RWDD1: variants seen among roughly 807,000 people sequenced by gnomAD.
RWDD1 encodes RWD domain containing 1.
In RWDD1, 17 loss-of-function variants were observed where a neutral mutation model predicts 31.6. That is an observed-to-expected ratio of 0.54 (90% CI 0.37 to 0.81). RWDD1 has a LOEUF of 0.81. Among genes scored for constraint, RWDD1 ranks in the 30% least tolerant of loss-of-function variants. The probability of loss-of-function intolerance (pLI) is 0.00; values close to 1 mark genes in which losing one functional copy is unlikely to be tolerated. For synonymous variants in RWDD1, 78 were observed against 94.2 expected, an observed-to-expected ratio of 0.83 and a Z score of 0.99; for missense variants, 204 against 274.5, an observed-to-expected ratio of 0.74 and a Z score of 1.82.
intron 1 of RWDD1, chr6:116,572,563 T>C (rs1367839895): frequency 6.6e-6 from 1 of 152,252 alleles, no homozygotes; most frequent in Non-Finnish European, 1.5e-5. Flanking sequence ...AAGCCATGCT[T>C]CGGATGATTA....
At position 116,574,989 on chromosome 6, in the gene RWDD1, C is replaced by CA. The variant is rs547394112; in HGVS notation, c.73+3337dup. On this transcript the variant is annotated intron_variant, in intron 1 of 6. Transcript: ENST00000466444. The stretch of plus-strand genomic sequence containing the variant: ...CTTGCTTTGTTGCCCAGGTTAGTCT[C>CA]AAACTCTTGGCCTCAAGCGAGTCTC... 2.2e-4 allele frequency among the ~76,000 whole-genome samples: 34 copies of CA among 151,774 alleles called. No homozygotes were observed. The East Asian group carries it at 5.7e-3, about 25-fold the overall frequency.
chr6:116,594,003 T>C lies in RWDD1; in HGVS notation c.*902T>C, dbSNP rs1327443800. 6.8e-6 allele frequency: 1 copy of C among 146,078 alleles called. No homozygotes were observed. Among genetic ancestry groups the C allele is most frequent in the Non-Finnish European group, 1.5e-5 (1 of 67,502 alleles). The allele number at this position is 146,078 out of a possible 1,614,324, so 9.0% of individuals were successfully genotyped here. On this transcript the variant is annotated 3_prime_UTR_variant, in exon 7 of 7. Transcript: ENST00000466444. Reference sequence around the variant, plus strand: ...TCTGGATGACCAGAAAGTTGAAGATTGGGTATCTGCATCTGGTGAGAGCCT... The same window carrying C: ...TCTGGATGACCAGAAAGTTGAAGATCGGGTATCTGCATCTGGTGAGAGCCT...
intron 3 of RWDD1, 122 bp from the exon 4 acceptor site, chr6:116,588,720 A>C (rs1775083261): frequency 2.2e-6 from 1 of 449,042 alleles, no homozygotes; most frequent in African/African-American, 2.1e-5. Context: ...ATATATGCTT[A>C]CTTAAATGAT....
At chr6:116,575,064 C>T (rs1774814330) in intron 1 of RWDD1, among the ~76,000 whole-genome samples, 1 of 152,076 alleles carries the variant, frequency 6.6e-6, no homozygotes, top group Admixed American at 6.5e-5. Flanking sequence ...GCCATTGCAC[C>T]TGGCCCAGCT....
chr6:116,593,280 C>A lies in RWDD1; in HGVS notation c.*179C>A. 1 of 578,000 alleles carries A rather than the reference C, an allele frequency of 1.7e-6. No homozygotes were observed. Among genetic ancestry groups the A allele is most frequent in the Middle Eastern group, 4.9e-4 (1 of 2,040 alleles). The allele number at this position is 578,000 out of a possible 1,614,324, so 35.8% of individuals were successfully genotyped here. Reference sequence around the variant, plus strand: ...CTTAAAATTTCAAATATAAAATGTTCAAGGCTTCTTACTGTTGAGCACAAG... The same window carrying A: ...CTTAAAATTTCAAATATAAAATGTTAAAGGCTTCTTACTGTTGAGCACAAG... On this transcript the variant is annotated 3_prime_UTR_variant, in exon 7 of 7. Transcript: ENST00000466444.
chr6:116,579,651 A>G (rs1292683885), intron 1 of RWDD1, among the ~76,000 whole-genome samples: 1 of 152,234 alleles, frequency 6.6e-6, no homozygotes, highest in East Asian at 1.9e-4. Context: ...TGTTATTTAT[A>G]TAAATGTTGA....
intron 1 of RWDD1, among the ~76,000 whole-genome samples, chr6:116,579,282 C>A (rs546392437): frequency 6.6e-6 from 1 of 152,216 alleles, no homozygotes; most frequent in Non-Finnish European, 1.5e-5. Context: ...ATTGCTCTTT[C>A]ATTCTGAAAA....
chr6:116,586,009 A>G lies in RWDD1; in HGVS notation c.270+1152A>G, dbSNP rs190816507. ...AGAGAACCTGGGATGGTTATGCTAT[A>G]TTCAGTCAGTCGTACCTTAATGTAA... On this transcript the variant is annotated intron_variant, in intron 3 of 6. Transcript: ENST00000466444. Among the ~76,000 whole-genome samples, 28 of 152,278 alleles carry G rather than the reference A, an allele frequency of 1.8e-4. No individual in the cohort carries two copies. In the East Asian group the frequency reaches 4.1e-3, roughly 22 times the overall value.
chr6:116,588,898 AAAATT>A lies in RWDD1; in HGVS notation c.332_336del (p.Leu111Ter). On this transcript the variant is annotated frameshift_variant, in exon 4 of 7. Transcript: ENST00000466444. LOFTEE classifies it high-confidence loss of function. ...TTACTCTAGTGACAGCTGTGCAAGAAAAATTAAATGAAATAGTAGATCAGATAAAA... is the reference window on the plus strand; with the variant it reads ...TTACTCTAGTGACAGCTGTGCAAGAAAAATGAAATAGTAGATCAGATAAAA... 6.6e-7 allele frequency: 1 copy of A among 1,522,650 alleles called. No individual in the cohort carries two copies. The highest frequency in any genetic ancestry group is 8.8e-7 in the Non-Finnish European group (1 of 1,141,474). The allele number at this position is 1,522,650 out of a possible 1,614,324, so 94.3% of individuals were successfully genotyped here.
intron 1 of RWDD1, chr6:116,574,100 C>A: frequency 2.2e-6 from 1 of 446,326 alleles, no homozygotes; most frequent in Non-Finnish European, 3.0e-6. Flanking sequence ...ACTAGTCTTC[C>A]AAAATATAAA....
chr6:116,587,692 T>TTATG (rs1342308678), intron 3 of RWDD1, among the ~76,000 whole-genome samples: 4 of 148,084 alleles, frequency 2.7e-5, no homozygotes, highest in East Asian at 3.9e-4. Flanking sequence ...GTGTGTGTGT[T>TTATG]TATGTATGTA....
intron 3 of RWDD1, among the ~76,000 whole-genome samples, chr6:116,586,245 C>G (rs1020970529): frequency 1.3e-5 from 2 of 151,056 alleles, no homozygotes; most frequent in South Asian, 2.1e-4. Flanking sequence ...TCAGAAGATA[C>G]AAAAAATCAT....
chr6:116,586,345 CTT>C (rs1775039401), intron 3 of RWDD1, among the ~76,000 whole-genome samples: 1 of 151,724 alleles, frequency 6.6e-6, no homozygotes, highest in Non-Finnish European at 1.5e-5. Context: ...TAGTGTGAGA[CTT>C]TTTTTCCTTA....
intron 1 of RWDD1, among the ~76,000 whole-genome samples, chr6:116,579,259 T>A (rs1193343871): frequency 6.6e-6 from 1 of 152,204 alleles, no homozygotes; most frequent in African/African-American, 2.4e-5. Context: ...CATGATTACT[T>A]CTTCAGTAAT....
Position 116,596,932 on chromosome 6 carries a change from C to A in RWDD1, c.*3831C>A, listed in dbSNP as rs141602101. ...CCAGCACCTTATCCATTTGTAGCCACGCCAACAAATTTATTCTGTGATATA... is the reference window on the plus strand; with the variant it reads ...CCAGCACCTTATCCATTTGTAGCCAAGCCAACAAATTTATTCTGTGATATA... On this transcript the variant is annotated 3_prime_UTR_variant, in exon 7 of 7. Coordinates refer to ENST00000466444, the MANE Select transcript of RWDD1 (RefSeq NM_015952.4). The A allele has an allele frequency of 5.9e-5, 9 of 152,190 alleles. No homozygotes were observed. The South Asian group carries it at 1.7e-3, about 28-fold the overall frequency. The allele number at this position is 152,190 out of a possible 1,614,324, so 9.4% of individuals were successfully genotyped here.
intron 1 of RWDD1, among the ~76,000 whole-genome samples, chr6:116,574,824 G>T (rs186431511): frequency 7.0e-6 from 1 of 142,948 alleles, no homozygotes; most frequent in East Asian, 2.2e-4. Flanking sequence ...AGGCTGGAGT[G>T]CAGTGCCCCA....
intron 1 of RWDD1, among the ~76,000 whole-genome samples, chr6:116,576,726 G>A (rs1774852747): frequency 6.6e-6 from 1 of 152,146 alleles, no homozygotes; most frequent in South Asian, 2.1e-4. Context: ...AGAAAATTTA[G>A]GAGTAATGAC....
At chr6:116,586,715 T>G (rs1775046163) in intron 3 of RWDD1, among the ~76,000 whole-genome samples, 1 of 152,212 alleles carries the variant, frequency 6.6e-6, no homozygotes, top group African/African-American at 2.4e-5. Flanking sequence ...AAATGTTTGT[T>G]GAATAAATGA....
intron 1 of RWDD1, chr6:116,574,212 C>G (rs1055292303): frequency 6.5e-6 from 1 of 154,370 alleles, no homozygotes; most frequent in Non-Finnish European, 1.4e-5. Context: ...ATTGAAATCT[C>G]TGGCTGTGGG....
Sources: allele counts gnomAD v4.1 joint callset (sites outside exome capture counted in the v4.1 genomes callset), GRCh38; gene constraint gnomAD v4.1.1; transcripts MANE v1.5; gene names NCBI Gene and HGNC (gene_info 2026-07-23, HGNC 2026-07-21).